Variants in HSD17B12 observed in about 807,000 individuals in gnomAD.
HSD17B12 encodes hydroxysteroid 17-beta dehydrogenase 12, also known as very-long-chain 3-oxoacyl-CoA reductase.
In HSD17B12, 32 loss-of-function variants were observed where a neutral mutation model predicts 39.3. The observed-to-expected ratio is 0.81, with a 90% confidence interval of 0.61 to 1.09. The LOEUF is 1.09. Ranked by LOEUF, HSD17B12 falls within the 50% of genes least tolerant of loss-of-function variation. The pLI, the probability that HSD17B12 is intolerant of heterozygous loss-of-function variation, is 0.00. For missense variants in HSD17B12, 342 were observed against 382.9 expected (o/e 0.89, Z 0.89); for synonymous variants, 150 against 146.7 (o/e 1.02, Z -0.16).
the HSD17B12 span, among the ~76,000 whole-genome samples, chr11:43,588,589 G>GTTAGCTATTATTA: frequency 8.9e-6 from 1 of 112,550 alleles, no homozygotes; most frequent in Non-Finnish European, 2.0e-5. Context: ...TTCAAAAAAT[G>GTTAGCTATTATTA]TTAGCTATTA....
the HSD17B12 span, among the ~76,000 whole-genome samples, chr11:43,605,561 CAAA>C: frequency 1.3e-4 from 10 of 74,616 alleles, no homozygotes; most frequent in Non-Finnish European, 1.1e-4. Flanking sequence ...AACTCCATCT[CAAA>C]AAAAAAAAAA....
At chr11:43,671,914 A>G in the HSD17B12 span, among the ~76,000 whole-genome samples, 1 of 152,210 alleles carries the variant, frequency 6.6e-6, no homozygotes, top group African/African-American at 2.4e-5. Context: ...TGTTAAAACT[A>G]TATTTTCTAA....
intron 1 of HSD17B12, among the ~76,000 whole-genome samples, chr11:43,731,676 TCCCA>T (rs1396304993): frequency 6.6e-6 from 1 of 152,092 alleles, no homozygotes; most frequent in Non-Finnish European, 1.5e-5. Context: ...AAGCAAAGCC[TCCCA>T]CCAGAATTTG....
intron 9 of HSD17B12, among the ~76,000 whole-genome samples, chr11:43,849,468 C>G (rs1217176149): frequency 6.6e-6 from 1 of 152,194 alleles, no homozygotes; most frequent in Non-Finnish European, 1.5e-5. Flanking sequence ...CTTCCTACTT[C>G]TGTGGCCTCC....
chr11:43,582,544 G>T, the HSD17B12 span, among the ~76,000 whole-genome samples: 2 of 152,222 alleles, frequency 1.3e-5, no homozygotes, highest in African/African-American at 4.8e-5. Flanking sequence ...CACAGGGACA[G>T]AAATGGGTAG....
intron 9 of HSD17B12, among the ~76,000 whole-genome samples, chr11:43,845,045 G>A (rs1268165102): frequency 2.0e-5 from 3 of 152,198 alleles, no homozygotes; most frequent in Admixed American, 6.5e-5. Context: ...CCAGGCTGGA[G>A]TGTAGTGGAG....
chr11:43,659,593 A>G, the HSD17B12 span, among the ~76,000 whole-genome samples: 1 of 152,248 alleles, frequency 6.6e-6, no homozygotes, highest in Non-Finnish European at 1.5e-5. Context: ...GAAGCATAAA[A>G]GAAAAAAATT....
the HSD17B12 span, among the ~76,000 whole-genome samples, chr11:43,653,605 G>C: frequency 1.8e-4 from 27 of 152,150 alleles, no homozygotes; most frequent in African/African-American, 6.5e-4. Context: ...CTGTGTCCAT[G>C]TGTTCTTATT....
chr11:43,597,437 G>A, the HSD17B12 span, among the ~76,000 whole-genome samples: 1 of 152,186 alleles, frequency 6.6e-6, no homozygotes, highest in South Asian at 2.1e-4. Context: ...TGTAGAGGAA[G>A]TTGAATGCTG....
At chr11:43,560,897 C>T in the HSD17B12 span, among the ~76,000 whole-genome samples, 2 of 152,270 alleles carry the variant, frequency 1.3e-5, no homozygotes, top group Middle Eastern at 3.4e-3. Context: ...CATCTTCCTT[C>T]GTCAAGCGAA....
At chr11:43,823,470 T>C (rs1590329490) in intron 6 of HSD17B12, among the ~76,000 whole-genome samples, 1 of 151,964 alleles carries the variant, frequency 6.6e-6, no homozygotes, top group East Asian at 1.9e-4. Context: ...GGAGTGTTGC[T>C]ATGTTGCTCA....
At chr11:43,627,187 C>G in the HSD17B12 span, among the ~76,000 whole-genome samples, 3 of 151,362 alleles carry the variant, frequency 2.0e-5, no homozygotes, top group South Asian at 6.2e-4. Flanking sequence ...AAGAATAAGC[C>G]CTATTGGTTC....
At chr11:43,612,692 C>G in the HSD17B12 span, among the ~76,000 whole-genome samples, 1 of 152,086 alleles carries the variant, frequency 6.6e-6, no homozygotes, top group Non-Finnish European at 1.5e-5. Context: ...AGGCGTGAGC[C>G]TGTAAAGGAT....
intron 1 of HSD17B12, among the ~76,000 whole-genome samples, chr11:43,685,302 A>G (rs1235010834): frequency 1.7e-4 from 3 of 17,374 alleles, no homozygotes; most frequent in Non-Finnish European, 6.6e-4. Context: ...AGGATTCTCA[A>G]AATCACAGGT....
chr11:43,710,874 T>G (rs1950058621), intron 1 of HSD17B12, among the ~76,000 whole-genome samples: 1 of 152,126 alleles, frequency 6.6e-6, no homozygotes, highest in African/African-American at 2.4e-5. Context: ...CACTGCAACC[T>G]CCACCTCCTG....
intron 3 of HSD17B12, among the ~76,000 whole-genome samples, chr11:43,779,819 C>T (rs1046362431): frequency 6.6e-6 from 1 of 152,174 alleles, no homozygotes; most frequent in East Asian, 1.9e-4. Context: ...GATGCATTAC[C>T]GCTTTCACAT....
At chr11:43,632,456 A>G in the HSD17B12 span, among the ~76,000 whole-genome samples, 1 of 152,226 alleles carries the variant, frequency 6.6e-6, no homozygotes, top group Non-Finnish European at 1.5e-5. Context: ...AGCTGATGTC[A>G]TTGGAAGGGT....
the HSD17B12 span, among the ~76,000 whole-genome samples, chr11:43,575,967 T>G: frequency 6.6e-6 from 1 of 152,170 alleles, no homozygotes; most frequent in Non-Finnish European, 1.5e-5. The surrounding 1 kb of genome is among the most constrained non-coding windows in gnomAD (Gnocchi z 4.1). Context: ...GATGATTTTT[T>G]TTTTCCTCAT....
chr11:43,736,267 C>T (rs542852021), intron 1 of HSD17B12, among the ~76,000 whole-genome samples: 1 of 152,250 alleles, frequency 6.6e-6, no homozygotes, highest in East Asian at 1.9e-4. Flanking sequence ...TGCCTTTAAG[C>T]AAATCTGCTT....
Sources: allele counts gnomAD v4.1 joint callset (sites outside exome capture counted in the v4.1 genomes callset), GRCh38; gene constraint gnomAD v4.1.1; non-coding constraint Gnocchi (gnomAD v3.1); transcripts MANE v1.5; gene names NCBI Gene and HGNC (gene_info 2026-07-23, HGNC 2026-07-21).